The following TUT4 variants were observed in gnomAD, a reference collection of about 807,000 sequenced individuals.
TUT4 encodes the protein terminal uridylyltransferase 4.
TUT4 carries 36 observed loss-of-function variants against 192.2 expected under a neutral mutation model. The ratio of observed to expected loss-of-function variants is 0.19; its 90% CI spans 0.14 to 0.25. TUT4 has a LOEUF of 0.25. Among genes scored for constraint, TUT4 ranks in the 10% least tolerant of loss-of-function variants. The pLI, the probability that TUT4 is intolerant of heterozygous loss-of-function variation, is 1.00. For missense variants in TUT4, 1,493 were observed against 1,957.2 expected (o/e 0.76, Z 4.47); for synonymous variants, 618 against 666.0 (o/e 0.93, Z 1.11).
chr1:52,442,160 T>A (rs1181613070), intron 24 of TUT4, among the ~76,000 whole-genome samples: 1 of 98,720 alleles, frequency 1.0e-5, no homozygotes. Context: ...AGAGTGAGAC[T>A]CCACCTCAAA....
chr1:52,483,533 G>A (rs1054481647), intron 9 of TUT4, among the ~76,000 whole-genome samples: 7 of 151,972 alleles, frequency 4.6e-5, no homozygotes, highest in South Asian at 4.2e-4. Context: ...TTTTTAGGCC[G>A]GGCACACTGG....
At chr1:52,496,695 G>C (rs943819674) in intron 5 of TUT4, among the ~76,000 whole-genome samples, 1 of 152,048 alleles carries the variant, frequency 6.6e-6, no homozygotes, top group African/African-American at 2.4e-5. Flanking sequence ...TGTTTATACT[G>C]AAAATAATAT....
intron 24 of TUT4, among the ~76,000 whole-genome samples, chr1:52,439,691 T>C (rs1172025073): frequency 1.3e-5 from 2 of 152,216 alleles, no homozygotes; most frequent in African/African-American, 2.4e-5. Context: ...GAATGTAAAG[T>C]AGCACAGCCA....
intron 20 of TUT4, among the ~76,000 whole-genome samples, chr1:52,447,260 C>A (rs1657788197): frequency 6.6e-6 from 1 of 151,858 alleles, no homozygotes; most frequent in Non-Finnish European, 1.5e-5. Flanking sequence ...CCAGCCTGGC[C>A]AACATGGTGA....
intron 1 of TUT4, among the ~76,000 whole-genome samples, chr1:52,547,340 C>A (rs1273634462): frequency 1.3e-5 from 2 of 151,646 alleles, no homozygotes; most frequent in African/African-American, 4.9e-5. Flanking sequence ...ATCAAACCCA[C>A]AATGAGGTAG....
chr1:52,455,696 G>T (rs1010895494), intron 20 of TUT4, among the ~76,000 whole-genome samples: 3 of 150,552 alleles, frequency 2.0e-5, no homozygotes, highest in Admixed American at 6.6e-5. Context: ...AGGGAGGATG[G>T]ATGGACAGAC....
At chr1:52,509,789 A>G in intron 3 of TUT4, 77 bp from the exon 4 acceptor site, 2 of 839,424 alleles carry the variant, frequency 2.4e-6, no homozygotes, top group Non-Finnish European at 4.0e-6. Flanking sequence ...AGTGAATAAT[A>G]CAATTATGTA....
intron 19 of TUT4, among the ~76,000 whole-genome samples, chr1:52,459,015 T>A (rs1160175430): frequency 6.6e-6 from 1 of 151,878 alleles, no homozygotes; most frequent in African/African-American, 2.4e-5. Flanking sequence ...ATGCAACCAT[T>A]AAAAAAAGAA....
At chr1:52,457,847 T>C (rs1661422855) in intron 20 of TUT4, among the ~76,000 whole-genome samples, 1 of 152,208 alleles carries the variant, frequency 6.6e-6, no homozygotes, top group African/African-American at 2.4e-5. Flanking sequence ...TTATGTTTAA[T>C]GTAATTAATA....
chr1:52,518,767 TAGAAAC>T (rs1679382594), intron 2 of TUT4, among the ~76,000 whole-genome samples: 3 of 152,114 alleles, frequency 2.0e-5, no homozygotes, highest in Admixed American at 2.0e-4. Context: ...GGCAAATACA[TAGAAAC>T]AGAAAGTGTA....
At chr1:52,519,820 G>T (rs1260895599) in intron 2 of TUT4, among the ~76,000 whole-genome samples, 1 of 151,986 alleles carries the variant, frequency 6.6e-6, no homozygotes, top group Non-Finnish European at 1.5e-5. Flanking sequence ...TGAATACTTA[G>T]ATTTTTTAAA....
chr1:52,541,562 A>G (rs894767896), intron 1 of TUT4, among the ~76,000 whole-genome samples: 1 of 152,004 alleles, frequency 6.6e-6, no homozygotes, highest in African/African-American at 2.4e-5. Context: ...CTCCTACATC[A>G]TATCACATTA....
At chr1:52,430,145 A>G (rs1460375267) in intron 28 of TUT4, among the ~76,000 whole-genome samples, 1 of 152,190 alleles carries the variant, frequency 6.6e-6, no homozygotes, top group Non-Finnish European at 1.5e-5. Flanking sequence ...TATTACTTAG[A>G]TATCAGAAAA....
chr1:52,465,615 C>T (rs544569012), intron 15 of TUT4, among the ~76,000 whole-genome samples: 31 of 152,324 alleles, frequency 2.0e-4, no homozygotes, highest in African/African-American at 7.2e-4. Flanking sequence ...TGCTTTTATA[C>T]ATTCTCAACA....
At chr1:52,435,911 G>GTCTCTC (rs143687198) in intron 26 of TUT4, among the ~76,000 whole-genome samples, 1 of 147,824 alleles carries the variant, frequency 6.8e-6, no homozygotes, top group African/African-American at 2.5e-5. Flanking sequence ...CTCTCTCTAT[G>GTCTCTC]TCTCTCTCTC....
At chr1:52,542,721 G>A (rs1687012652) in intron 1 of TUT4, among the ~76,000 whole-genome samples, 1 of 151,776 alleles carries the variant, frequency 6.6e-6, no homozygotes, top group South Asian at 2.1e-4. Flanking sequence ...ATCAAGACAA[G>A]GGAAAGATGT....
intron 4 of TUT4, among the ~76,000 whole-genome samples, chr1:52,500,288 T>C (rs1189258455): frequency 3.3e-5 from 5 of 152,182 alleles, no homozygotes; most frequent in African/African-American, 1.2e-4. Context: ...GACTCTGACC[T>C]TAGATCATAT....
At chr1:52,503,815 C>G (rs1197879243) in intron 4 of TUT4, among the ~76,000 whole-genome samples, 1 of 152,102 alleles carries the variant, frequency 6.6e-6, no homozygotes, top group East Asian at 1.9e-4. Context: ...CTCTATTTTT[C>G]CTATTATTCT....
intron 1 of TUT4, among the ~76,000 whole-genome samples, chr1:52,540,294 A>C (rs1193657673): frequency 6.6e-6 from 1 of 151,936 alleles, no homozygotes; most frequent in African/African-American, 2.4e-5. Flanking sequence ...AGGCGGGTGG[A>C]TCACGAGGTC....
Sources: allele counts gnomAD v4.1 joint callset (sites outside exome capture counted in the v4.1 genomes callset), GRCh38; gene constraint gnomAD v4.1.1; transcripts MANE v1.5; gene names NCBI Gene and HGNC (gene_info 2026-07-23, HGNC 2026-07-21).